Variants in LMBRD1 observed in about 807,000 individuals in gnomAD.
LMBRD1 encodes the protein LMBR1 domain containing 1, also known as lysosomal cobalamin transport escort protein LMBD1.
LMBRD1 carries 64 observed loss-of-function variants against 74.8 expected under a neutral mutation model. The observed-to-expected ratio is 0.86, with a 90% confidence interval of 0.70 to 1.05. LMBRD1 has a LOEUF of 1.05. Among genes scored for constraint, LMBRD1 ranks in the 50% least tolerant of loss-of-function variants. The pLI, the probability that LMBRD1 is intolerant of heterozygous loss-of-function variation, is 0.00. For missense variants in LMBRD1, 652 were observed against 645.9 expected (o/e 1.01, Z -0.10); for synonymous variants, 204 against 216.3 (o/e 0.94, Z 0.50).
intron 14 of LMBRD1, among the ~76,000 whole-genome samples, chr6:69,695,273 C>T (rs1247250881): frequency 1.3e-5 from 2 of 151,932 alleles, no homozygotes; most frequent in Non-Finnish European, 1.5e-5. Flanking sequence ...GTTCTTGACT[C>T]CGCACATCTT....
At chr6:69,704,910 T>G (rs1397975265) in intron 9 of LMBRD1, among the ~76,000 whole-genome samples, 2 of 151,416 alleles carry the variant, frequency 1.3e-5, no homozygotes, top group East Asian at 1.9e-4. Flanking sequence ...GACATTTGTT[T>G]TTTTTTTTTC....
intron 3 of LMBRD1, among the ~76,000 whole-genome samples, chr6:69,779,003 T>C (rs1765766838): frequency 6.6e-6 from 1 of 151,946 alleles, no homozygotes; most frequent in East Asian, 1.9e-4. Context: ...CTGGCCAACA[T>C]GGTGAAACCC....
chr6:69,780,632 CTGAA>C (rs1765812569), intron 2 of LMBRD1, 78 bp from the exon 3 acceptor site: 6 of 1,034,948 alleles, frequency 5.8e-6, no homozygotes, highest in Non-Finnish European at 9.0e-6. Context: ...TTTAATACGA[CTGAA>C]TATCACTTCC....
At chr6:69,724,785 A>G (rs1345098998) in intron 7 of LMBRD1, among the ~76,000 whole-genome samples, 2 of 151,960 alleles carry the variant, frequency 1.3e-5, no homozygotes, top group East Asian at 3.9e-4. Context: ...GAAAAACTGA[A>G]AGCCTTTCTT....
chr6:69,780,909 G>GA (rs1167896101), intron 2 of LMBRD1, among the ~76,000 whole-genome samples: 4 of 152,104 alleles, frequency 2.6e-5, no homozygotes, highest in Non-Finnish European at 4.4e-5. Flanking sequence ...CAGAACGTTT[G>GA]AAAAAAGCTT....
intron 14 of LMBRD1, among the ~76,000 whole-genome samples, chr6:69,691,770 G>A (rs1315556882): frequency 6.6e-5 from 10 of 151,764 alleles, no homozygotes. Context: ...CAGCTACTCA[G>A]GAGGCTGAGG....
intron 7 of LMBRD1, among the ~76,000 whole-genome samples, chr6:69,737,718 AG>A (rs1283060866): frequency 4.6e-5 from 7 of 151,580 alleles, no homozygotes; most frequent in Admixed American, 2.6e-4. Context: ...ACCACCTTCA[AG>A]GTTCATAAGT....
Position 69,691,147 on chromosome 6 carries a change from C to CTTTTTTTTTTT in LMBRD1, c.1417+6415_1417+6416insAAAAAAAAAAA, listed in dbSNP as rs67075550. Reference sequence around the variant, plus strand: ...TAAAAAGCAGCAACGGCCTCTCTCTCTCTTTTTTTTTTTAACAATTTAAAG... The same window carrying CTTTTTTTTTTT: ...TAAAAAGCAGCAACGGCCTCTCTCTCTTTTTTTTTTTTCTTTTTTTTTTTAACAATTTAAAG... On this transcript the variant is annotated intron_variant, in intron 14 of 15. Coordinates refer to ENST00000649934, the MANE Select transcript of LMBRD1 (RefSeq NM_018368.4). 1.4e-5 allele frequency among the ~76,000 whole-genome samples: 2 copies of CTTTTTTTTTTT among 138,526 alleles called. 1 individual carries two copies. Among genetic ancestry groups the CTTTTTTTTTTT allele is most frequent in the Non-Finnish European group, 3.0e-5 (2 of 65,612 alleles). 90.9% of individuals were successfully genotyped at this position (138,526 alleles called of 152,430 possible). A position where few individuals can be genotyped will look rare whatever the true frequency, so the allele number is the denominator to read the frequency against.
intron 14 of LMBRD1, among the ~76,000 whole-genome samples, chr6:69,692,601 T>C (rs2149840055): frequency 6.6e-6 from 1 of 152,286 alleles, no homozygotes; most frequent in East Asian, 1.9e-4. Flanking sequence ...ATTTATGTCC[T>C]TATGCCTGGT....
intron 1 of LMBRD1, among the ~76,000 whole-genome samples, chr6:69,795,893 T>C (rs1414104609): frequency 6.6e-6 from 1 of 152,214 alleles, no homozygotes; most frequent in Non-Finnish European, 1.5e-5. Context: ...ACAAGCCTGA[T>C]TTCCAGAACT....
intron 14 of LMBRD1, among the ~76,000 whole-genome samples, chr6:69,695,857 T>TC (rs796391467): frequency 5.3e-5 from 7 of 132,358 alleles, no homozygotes; most frequent in East Asian, 4.2e-4. Context: ...TTTTTTTTTT[T>TC]CCCTGAGACA....
intron 9 of LMBRD1, chr6:69,705,354 T>C (rs1766229766): frequency 6.2e-6 from 5 of 801,434 alleles, no homozygotes; most frequent in Non-Finnish European, 4.4e-6. Flanking sequence ...GAAGCAATTC[T>C]TCATATAATT....
intron 3 of LMBRD1, 40 bp from the exon 4 acceptor site, chr6:69,752,396 T>C: frequency 6.7e-7 from 1 of 1,486,264 alleles, no homozygotes; most frequent in Non-Finnish European, 9.4e-7. Flanking sequence ...ACTAAATACA[T>C]ATGTACTTAA....
chr6:69,793,718 CTTTTT>C (rs34341228), intron 1 of LMBRD1, among the ~76,000 whole-genome samples: 2 of 96,030 alleles, frequency 2.1e-5, no homozygotes, highest in Non-Finnish European at 4.0e-5. Context: ...TGTCCTGAAT[CTTTTT>C]TTTTTTTTTT....
At chr6:69,784,972 G>A (rs917918725) in intron 2 of LMBRD1, among the ~76,000 whole-genome samples, 1 of 152,076 alleles carries the variant, frequency 6.6e-6, no homozygotes, top group African/African-American at 2.4e-5. Flanking sequence ...AAAACTTCCT[G>A]AAAAGTTGTC....
chr6:69,735,267 T>C (rs970460382), intron 7 of LMBRD1, among the ~76,000 whole-genome samples: 10 of 152,110 alleles, frequency 6.6e-5, no homozygotes, highest in African/African-American at 1.4e-4. Context: ...CACTAACTCC[T>C]ACTGGCACAA....
chr6:69,711,097 G>C (rs1413795302), intron 9 of LMBRD1, among the ~76,000 whole-genome samples: 1 of 152,080 alleles, frequency 6.6e-6, no homozygotes, highest in African/African-American at 2.4e-5. Context: ...TTGTGATACA[G>C]ACACACACTG....
At chr6:69,786,526 T>C (rs1187584898) in intron 2 of LMBRD1, among the ~76,000 whole-genome samples, 1 of 151,904 alleles carries the variant, frequency 6.6e-6, no homozygotes, top group Non-Finnish European at 1.5e-5. Context: ...TTCATGTATA[T>C]CCCCATCCAA....
intron 3 of LMBRD1, among the ~76,000 whole-genome samples, chr6:69,773,273 G>A (rs1390401824): frequency 6.6e-6 from 1 of 152,064 alleles, no homozygotes; most frequent in Non-Finnish European, 1.5e-5. Context: ...CTTCTGCCAT[G>A]GGATGACAGC....
Sources: allele counts gnomAD v4.1 joint callset (sites outside exome capture counted in the v4.1 genomes callset), GRCh38; gene constraint gnomAD v4.1.1; transcripts MANE v1.5; gene names NCBI Gene and HGNC (gene_info 2026-07-23, HGNC 2026-07-21).